The following RECK variants were observed in gnomAD, a reference collection of about 807,000 sequenced individuals.
The protein encoded by RECK is reversion-inducing cysteine-rich protein with Kazal motifs.
In RECK, 69 loss-of-function variants were observed where a neutral mutation model predicts 115.1. The ratio of observed to expected loss-of-function variants is 0.60; its 90% CI spans 0.49 to 0.73. The LOEUF (loss-of-function observed/expected upper bound fraction) is 0.73. Among genes scored for constraint, RECK ranks in the 30% least tolerant of loss-of-function variants. The pLI is 0.00. For synonymous variants in RECK, 414 were observed against 419.7 expected, an observed-to-expected ratio of 0.99 and a Z score of 0.17; for missense variants, 1,047 against 1,203.7, an observed-to-expected ratio of 0.87 and a Z score of 1.93.
chr9:36,050,159 C>T (rs969353957), intron 1 of RECK, among the ~76,000 whole-genome samples: 3 of 152,004 alleles, frequency 2.0e-5, no homozygotes, highest in Non-Finnish European at 2.9e-5. Context: ...GGAGTCTTCC[C>T]GAACTCATAT....
chr9:36,122,877 C>T lies in RECK; in HGVS notation c.2748C>T (p.Asp916=). ...AEKIESLINS[D]SPTLASHVPL... is the part of the protein sequence containing the mutation. ...AGATTGAGTCCCTTATCAACTCTGA[C>T]AGCCCGACTTTGGCGTCCCATGTCC... The change falls in exon 21 of 21, where the codon GAC becomes GAT. Residue 916 remains aspartate (D), a synonymous_variant. Coordinates refer to ENST00000377966, the MANE Select transcript of RECK (RefSeq NM_021111.3). The T allele has an allele frequency of 6.2e-7, 1 of 1,614,226 alleles. No individual in the cohort carries two copies. Among genetic ancestry groups the T allele is most frequent in the South Asian group, 1.1e-5 (1 of 91,072 alleles).
At chr9:36,063,683 G>T in intron 4 of RECK, 112 bp from the exon 5 acceptor site, 1 of 925,372 alleles carries the variant, frequency 1.1e-6, no homozygotes, top group Non-Finnish European at 1.7e-6. Flanking sequence ...GTCTGAACCA[G>T]TTTTCTTATG....
intron 10 of RECK, among the ~76,000 whole-genome samples, chr9:36,097,705 C>T (rs761986517): frequency 5.3e-5 from 8 of 152,208 alleles, no homozygotes; most frequent in South Asian, 2.1e-4. Context: ...AGGAAATCAG[C>T]GTGTTGAAGA....
At chr9:36,085,242 A>C (rs1374735563) in intron 8 of RECK, 2 of 204,914 alleles carry the variant, frequency 9.8e-6, no homozygotes, top group African/African-American at 4.7e-5. Flanking sequence ...ATGAGAAGAG[A>C]GCCTGATATC....
At chr9:36,070,361 C>T (rs1014311432) in intron 6 of RECK, among the ~76,000 whole-genome samples, 4 of 152,242 alleles carry the variant, frequency 2.6e-5, no homozygotes, top group Admixed American at 2.6e-4. Context: ...GGAGAATTAT[C>T]ATGCCCACAG....
intron 8 of RECK, among the ~76,000 whole-genome samples, chr9:36,084,357 C>T (rs1235195440): frequency 6.6e-6 from 1 of 151,842 alleles, no homozygotes; most frequent in Non-Finnish European, 1.5e-5. Context: ...TACCACTGCA[C>T]TCCAGTCTGG....
intron 1 of RECK, among the ~76,000 whole-genome samples, chr9:36,047,823 A>G (rs1336643888): frequency 2.0e-5 from 3 of 151,672 alleles, no homozygotes; most frequent in Non-Finnish European, 1.5e-5. Context: ...AAAAAAAAAA[A>G]AAAGGCTAGC....
chr9:36,070,205 G>T (rs1194541251), intron 6 of RECK, among the ~76,000 whole-genome samples: 1 of 152,110 alleles, frequency 6.6e-6, no homozygotes, highest in Non-Finnish European at 1.5e-5. Flanking sequence ...TGTATTACTG[G>T]ATTTTAAAAA....
At position 36,063,852 on chromosome 9, in the gene RECK, C is replaced by T. The variant is rs1330162848; in HGVS notation, c.329C>T (p.Ala110Val). ...VGLGCCELAIALECRQACKQA... is the reference protein window; with the variant it reads ...VGLGCCELAIVLECRQACKQA... Reference sequence around the variant, plus strand: ...TTAGGCTGCTGTGAACTGGCTATTGCCTTGGAGTGTCGACAGGCATGCAAG... The same window carrying T: ...TTAGGCTGCTGTGAACTGGCTATTGTCTTGGAGTGTCGACAGGCATGCAAG... The change falls in exon 5 of 21, where the codon GCC (alanine) becomes GTC (valine). Residue 110 changes from alanine (A) to valine (V), a missense_variant. By Grantham distance (64) the Ala-to-Val change is moderately conservative. Transcript: ENST00000377966. 1.5e-5 allele frequency: 24 copies of T among 1,613,998 alleles called. No homozygotes were observed. The highest frequency in any genetic ancestry group is 1.9e-5 in the Non-Finnish European group (23 of 1,179,908).
chr9:36,085,169 C>A (rs777756348), intron 8 of RECK: 7 of 219,430 alleles, frequency 3.2e-5, no homozygotes, highest in South Asian at 2.6e-4. Context: ...TATATATTTT[C>A]CACAGTGTTT....
chr9:36,116,778 G>A (rs72729495), intron 16 of RECK, among the ~76,000 whole-genome samples: 2,210 of 152,016 alleles, frequency 0.015, 30 homozygotes, highest in Non-Finnish European at 0.021. Flanking sequence ...ACTCATCCCC[G>A]CAAGCTTTGT....
At chr9:36,074,033 C>A (rs188543016) in intron 6 of RECK, among the ~76,000 whole-genome samples, 1 of 152,096 alleles carries the variant, frequency 6.6e-6, no homozygotes, top group Admixed American at 6.5e-5. Flanking sequence ...CCACAACCAC[C>A]CCCCACAAAA....
chr9:36,078,884 G>A (rs200356792), intron 6 of RECK, among the ~76,000 whole-genome samples: 2 of 148,362 alleles, frequency 1.3e-5, no homozygotes, highest in South Asian at 4.4e-4. Flanking sequence ...TTGTTTGTTT[G>A]TTTATTTGTT....
chr9:36,076,884 C>A (rs1000036547), intron 6 of RECK, among the ~76,000 whole-genome samples: 4 of 152,068 alleles, frequency 2.6e-5, no homozygotes, highest in African/African-American at 9.7e-5. Flanking sequence ...TTGAGAAAAA[C>A]AACCCAGACT....
intron 6 of RECK, among the ~76,000 whole-genome samples, chr9:36,071,466 T>C (rs1443791624): frequency 6.6e-6 from 1 of 152,228 alleles, no homozygotes; most frequent in Non-Finnish European, 1.5e-5. Flanking sequence ...TAAATATAAA[T>C]GCCTTTACAT....
chr9:36,120,495 G>A lies in RECK; in HGVS notation c.2465-168G>A, dbSNP rs1240982951. Among the ~76,000 whole-genome samples the A allele has an allele frequency of 2.6e-5, 4 of 152,174 alleles. No individual in the cohort carries two copies. The East Asian group carries it at 7.7e-4, about 29-fold the overall frequency. ...TAGAGAAAGGATTTTGGTAAATGTA[G>A]AGATGAGAGGACTCCAGGTTGGTCA... On this transcript the variant is annotated intron_variant, in intron 18 of 20. Coordinates refer to ENST00000377966, the MANE Select transcript of RECK (RefSeq NM_021111.3).
At chr9:36,107,225 A>G (rs1823856217) in intron 13 of RECK, among the ~76,000 whole-genome samples, 1 of 152,156 alleles carries the variant, frequency 6.6e-6, no homozygotes, top group African/African-American at 2.4e-5. Context: ...GCCCACCCAA[A>G]TATTCAGTTT....
intron 10 of RECK, among the ~76,000 whole-genome samples, chr9:36,097,869 G>A (rs889829536): frequency 1.1e-4 from 16 of 152,162 alleles, no homozygotes; most frequent in Admixed American, 9.2e-4. Flanking sequence ...AGGAAATCCT[G>A]TCGTTTGCAA....
At chr9:36,103,579 G>A (rs974057419) in intron 12 of RECK, among the ~76,000 whole-genome samples, 8 of 152,192 alleles carry the variant, frequency 5.3e-5, no homozygotes, top group Admixed American at 3.3e-4. Flanking sequence ...GGCCCATTGC[G>A]GCCCTAAGTA....
Sources: allele counts gnomAD v4.1 joint callset (sites outside exome capture counted in the v4.1 genomes callset), GRCh38; gene constraint gnomAD v4.1.1; transcripts MANE v1.5; gene names NCBI Gene and HGNC (gene_info 2026-07-23, HGNC 2026-07-21).